The following LAP3 variants were observed in gnomAD, a reference collection of about 807,000 sequenced individuals.
LAP3 encodes the protein leucine aminopeptidase 3.
Under a neutral mutation model 58.8 loss-of-function variants are expected in LAP3, and 46 were observed. The observed-to-expected ratio is 0.78, with a 90% CI of 0.62 to 1.00. The LOEUF (loss-of-function observed/expected upper bound fraction) is 1.00, where lower values mean the gene tolerates loss of function less well. LAP3 is among the 50% of genes least tolerant of loss of function. The pLI is 0.00. For synonymous variants in LAP3, 257 were observed against 237.7 expected, an observed-to-expected ratio of 1.08 and a Z score of -0.75; for missense variants, 615 against 659.1, an observed-to-expected ratio of 0.93 and a Z score of 0.73.
Position 17,577,225 on chromosome 4 carries a change from C to CGGGCGCACACGAATGT in LAP3, c.-226_-225insTGGGCGCACACGAATG. The CGGGCGCACACGAATGT allele has an allele frequency of 2.8e-6, 1 of 361,668 alleles. No individual in the cohort carries two copies. The highest frequency in any genetic ancestry group is 4.9e-6 in the Non-Finnish European group (1 of 202,526). 22.4% of individuals were successfully genotyped at this position (361,668 alleles called of 1,614,324 possible). Reference sequence around the variant, plus strand: ...ACACGAATGCGGGCGCACACGAATGCGGGCGCACACGAATGCGGGCGCACC... The same window carrying CGGGCGCACACGAATGT: ...ACACGAATGCGGGCGCACACGAATGCGGGCGCACACGAATGTGGGCGCACACGAATGCGGGCGCACC... On this transcript the variant is annotated 5_prime_UTR_variant, in exon 1 of 13. The change creates a new upstream start codon in the 5' untranslated region. Coordinates refer to ENST00000226299, the MANE Select transcript of LAP3 (RefSeq NM_015907.3).
At chr4:17,597,376 A>G (rs1326412983) in intron 9 of LAP3, among the ~76,000 whole-genome samples, 1 of 152,164 alleles carries the variant, frequency 6.6e-6, no homozygotes, top group African/African-American at 2.4e-5. Context: ...CCCCAGGCTC[A>G]GGTGGTCCTC....
chr4:17,606,574 G>A (rs534495517), intron 11 of LAP3, among the ~76,000 whole-genome samples: 3 of 152,180 alleles, frequency 2.0e-5, no homozygotes, highest in African/African-American at 4.8e-5. Context: ...TCTTGACCTC[G>A]TGATCCACCC....
chr4:17,582,593 A>G, intron 4 of LAP3, 200 bp downstream of exon 4: 1 of 530,866 alleles, frequency 1.9e-6, no homozygotes. Context: ...ATGGAATTTT[A>G]TTTTTAATAT....
rs190959656 is a variant in LAP3, at chr4:17,589,272, G to A, written c.863+295G>A. 2.0e-4 allele frequency among the ~76,000 whole-genome samples: 30 copies of A among 152,098 alleles called. No homozygotes were observed. The East Asian group carries it at 4.8e-3, about 25-fold the overall frequency. On this transcript the variant is annotated intron_variant, in intron 7 of 12. Coordinates refer to ENST00000226299, the MANE Select transcript of LAP3 (RefSeq NM_015907.3). Reference sequence around the variant, plus strand: ...GATGGGGTTTTGCCGTGTTGGCCAGGCTGGTTTTGAACTCTTGGCCTCAAG... The same window carrying A: ...GATGGGGTTTTGCCGTGTTGGCCAGACTGGTTTTGAACTCTTGGCCTCAAG...
intron 10 of LAP3, among the ~76,000 whole-genome samples, chr4:17,600,833 A>G (rs1020308003): frequency 6.6e-6 from 1 of 152,206 alleles, no homozygotes; most frequent in African/African-American, 2.4e-5. Context: ...CTAACTTTTA[A>G]TAGCACGTTA....
intron 1 of LAP3, 41 bp downstream of exon 1, chr4:17,577,608 C>T (rs1713243545): frequency 2.0e-6 from 3 of 1,466,402 alleles, no homozygotes; most frequent in South Asian, 1.2e-5. Flanking sequence ...CGCTGGGGCC[C>T]TGCCCGTGGG....
intron 1 of LAP3, among the ~76,000 whole-genome samples, chr4:17,578,844 C>CACAGTCCTTACGTGGCA (rs1297175468): frequency 1.3e-5 from 2 of 152,074 alleles, no homozygotes; most frequent in Non-Finnish European, 2.9e-5. Context: ...CTGTGTTGAC[C>CACAGTCCTTACGTGGCA]ACAGTCCTTA....
At chr4:17,585,454 T>G (rs1386567496) in intron 6 of LAP3, 3 of 182,586 alleles carry the variant, frequency 1.6e-5, no homozygotes, top group African/African-American at 4.8e-5. Context: ...TTTTTTTTTT[T>G]GAGACAAGGT....
Position 17,595,413 on chromosome 4 carries a change from T to A in LAP3, c.867T>A (p.Gly289=). 4 of 1,613,816 alleles carry A rather than the reference T, an allele frequency of 2.5e-6. No homozygotes were observed. Among genetic ancestry groups the A allele is most frequent in the Non-Finnish European group, 3.4e-6 (4 of 1,179,904 alleles). Reference sequence around the variant, plus strand: ...CACGTTGTCCATTTCCCCATAGTGGTGGTATCTCCATCAAGGCTTCTGCAA... The same window carrying A: ...CACGTTGTCCATTTCCCCATAGTGGAGGTATCTCCATCAAGGCTTCTGCAA... The part of the protein sequence containing the change: ...FVGKGITFDS[G]GISIKASANM... The change falls in exon 8 of 13, where the codon GGT becomes GGA. Residue 289 remains glycine, a synonymous_variant. Coordinates refer to ENST00000226299, the MANE Select transcript of LAP3 (RefSeq NM_015907.3).
intron 7 of LAP3, among the ~76,000 whole-genome samples, chr4:17,592,466 A>G (rs998507475): frequency 2.6e-5 from 4 of 152,286 alleles, no homozygotes; most frequent in African/African-American, 9.6e-5. Flanking sequence ...CCATTCATCT[A>G]TTGGTGGAAA....
intron 10 of LAP3, among the ~76,000 whole-genome samples, chr4:17,604,270 C>CAA (rs1188734524): frequency 0.015 from 737 of 50,668 alleles, 21 homozygotes; most frequent in African/African-American, 0.036. Flanking sequence ...AGACCTTTCT[C>CAA]AAAAAAAAAA....
In LAP3 at chr4:17,582,400, T is replaced by C. The variant is rs1254561581; in HGVS notation, c.379+7T>C. 5 of 1,605,834 alleles carry C rather than the reference T, an allele frequency of 3.1e-6. No homozygotes were observed. On this transcript the variant is annotated splice_region_variant and intron_variant, in intron 4 of 12. Transcript: ENST00000226299. ...ATCAGAGCTGCTGTTGCAGGTTATT[T>C]CACTTTTTAAGTTTAAAGAATCCTG...
chr4:17,582,015 C>A (rs1713377518), intron 3 of LAP3: 1 of 596,216 alleles, frequency 1.7e-6, no homozygotes, highest in Non-Finnish European at 3.0e-6. Flanking sequence ...TGAAGGCTTT[C>A]TTTATCCGGT....
chr4:17,577,529 TTCGGGAGCCGGAGTC>T lies in LAP3; in HGVS notation c.67_81del (p.Gly23_Leu27del). On this transcript the variant is annotated inframe_deletion, in exon 1 of 13. Transcript: ENST00000226299. ...CGTCCGACGTCTGGCCGTGAGACGT[TTCGGGAGCCGGAGTC>T]TCTCCACCGCAGACATGACGAAGGT... 1 of 1,580,018 alleles carries T rather than the reference TTCGGGAGCCGGAGTC, an allele frequency of 6.3e-7. No homozygotes were observed. Among genetic ancestry groups the T allele is most frequent in the Non-Finnish European group, 8.6e-7 (1 of 1,164,574 alleles).
intron 5 of LAP3, among the ~76,000 whole-genome samples, chr4:17,583,931 G>A (rs1713434498): frequency 6.6e-6 from 1 of 152,258 alleles, no homozygotes; most frequent in African/African-American, 2.4e-5. Context: ...TGACATGACA[G>A]ACATATCCCA....
At chr4:17,601,541 C>G (rs1347342849) in intron 10 of LAP3, among the ~76,000 whole-genome samples, 2 of 152,090 alleles carry the variant, frequency 1.3e-5, no homozygotes, top group African/African-American at 4.8e-5. Flanking sequence ...AAACCACTAA[C>G]TTGTAAAGTA....
intron 10 of LAP3, among the ~76,000 whole-genome samples, chr4:17,603,264 C>CA (rs1233547107): frequency 1.3e-5 from 2 of 151,838 alleles, no homozygotes; most frequent in African/African-American, 2.4e-5. Context: ...GCTGAGATCG[C>CA]ACCACTGCAC....
In LAP3 at chr4:17,583,626, G is replaced by A. The variant is rs771879941; in HGVS notation, c.523G>A (p.Ala175Thr). ...LKQKKKMAVS[A>T]KLYGSGDQEA... is the part of the protein sequence containing the mutation. ...GCAAAAAAAGAAGATGGCTGTGTCG[G>A]CAAAGCTCTATGGAAGGTGATGGAA... The change falls in exon 5 of 13, where the codon GCA (alanine) becomes ACA (threonine). Residue 175 changes from alanine to threonine, a missense_variant. Physicochemically the swap from Ala to Thr is moderately conservative, Grantham distance 58. Transcript: ENST00000226299. 11 of 1,613,718 alleles carry A rather than the reference G, an allele frequency of 6.8e-6. No individual in the cohort carries two copies. The highest frequency in any genetic ancestry group is 5.4e-5 in the African/African-American group (4 of 74,628).
chr4:17,594,953 G>C (rs574584294), intron 7 of LAP3, among the ~76,000 whole-genome samples: 8 of 152,162 alleles, frequency 5.3e-5, no homozygotes, highest in Admixed American at 2.0e-4. Flanking sequence ...TTGATTTTAT[G>C]ATATAGTAAT....
Sources: allele counts gnomAD v4.1 joint callset (sites outside exome capture counted in the v4.1 genomes callset), GRCh38; gene constraint gnomAD v4.1.1; transcripts MANE v1.5; gene names NCBI Gene and HGNC (gene_info 2026-07-23, HGNC 2026-07-21).